Variants in EBF4 observed in about 807,000 individuals in gnomAD.
EBF4 encodes the protein EBF transcription factor 4.
EBF4 carries 34 observed loss-of-function variants against 67.1 expected under a neutral mutation model. The observed-to-expected ratio is 0.51, with a 90% CI of 0.39 to 0.67. EBF4 has a LOEUF of 0.67. Ranked by LOEUF, EBF4 falls within the 30% of genes least tolerant of loss-of-function variation. The pLI, the probability that EBF4 is intolerant of heterozygous loss-of-function variation, is 0.00. For synonymous variants in EBF4, 387 were observed against 377.7 expected (o/e 1.02, Z -0.29); for missense variants, 837 against 873.3 (o/e 0.96, Z 0.52).
chr20:2,744,256 T>C (rs2088013623), intron 6 of EBF4, among the ~76,000 whole-genome samples: 1 of 151,500 alleles, frequency 6.6e-6, no homozygotes, highest in South Asian at 2.1e-4. Flanking sequence ...AATTTTTATA[T>C]CAGGTCATCA....
chr20:2,702,557 A>G (rs2087391742), intron 1 of EBF4, among the ~76,000 whole-genome samples: 1 of 152,234 alleles, frequency 6.6e-6, no homozygotes, highest in Admixed American at 6.5e-5. Context: ...CAAGCTTTCA[A>G]GAGGAGGAAA....
chr20:2,756,831 G>A lies in EBF4; in HGVS notation c.1738+1007G>A, dbSNP rs1047380716. ...AGGAAAGAATCAGTGTTGAAATTAC[G>A]TAAGTGGCTACTGAAGAATTTGTCA... On this transcript the variant is annotated intron_variant, in intron 15 of 16. Transcript: ENST00000609451. This position sits in a 1 kb window ranked among gnomAD's most constrained non-coding sequence, Gnocchi z 4.5. Among the ~76,000 whole-genome samples the A allele has an allele frequency of 3.9e-5, 6 of 152,206 alleles. No homozygotes were observed. The highest frequency in any genetic ancestry group is 5.9e-5 in the Non-Finnish European group (4 of 68,042).
chr20:2,735,152 C>T (rs988464027), intron 6 of EBF4, among the ~76,000 whole-genome samples: 6 of 152,158 alleles, frequency 3.9e-5, no homozygotes, highest in Non-Finnish European at 7.3e-5. Flanking sequence ...AGGGTCTTTC[C>T]CACTAAGTAA....
chr20:2,719,918 T>G (rs1185210559), intron 6 of EBF4, among the ~76,000 whole-genome samples: 1 of 152,224 alleles, frequency 6.6e-6, no homozygotes, highest in Non-Finnish European at 1.5e-5. Context: ...TAATTGATAG[T>G]GTTGTTCAAG....
intron 6 of EBF4, among the ~76,000 whole-genome samples, chr20:2,719,301 G>C (rs889327667): frequency 1.3e-5 from 2 of 152,078 alleles, no homozygotes; most frequent in African/African-American, 4.8e-5. Context: ...TTGAGACGGA[G>C]TCTTGCTCTA....
chr20:2,719,039 A>G (rs184411008), intron 6 of EBF4, among the ~76,000 whole-genome samples: 1 of 152,174 alleles, frequency 6.6e-6, no homozygotes, highest in Admixed American at 6.5e-5. Context: ...ATGTTACTTA[A>G]TTTCCAAAAA....
At chr20:2,743,038 C>T (rs1160245486) in intron 6 of EBF4, among the ~76,000 whole-genome samples, 2 of 152,146 alleles carry the variant, frequency 1.3e-5, no homozygotes, top group African/African-American at 4.8e-5. Flanking sequence ...CTCCCCTGCC[C>T]ACCAGGTCTC....
chr20:2,703,256 TA>T (rs58171984), intron 1 of EBF4, among the ~76,000 whole-genome samples: 3,251 of 113,970 alleles, frequency 0.029, 85 homozygotes, highest in African/African-American at 0.072. Context: ...GACCCTGTCT[TA>T]AAAAAAAAAA....
upstream of EBF4, among the ~76,000 whole-genome samples, chr20:2,693,380 G>A (rs1027664852): frequency 1.5e-4 from 22 of 150,386 alleles, no homozygotes; most frequent in Admixed American, 6.6e-5. The surrounding 1 kb of genome is among the most constrained non-coding windows in gnomAD (Gnocchi z 4.6). Flanking sequence ...CGCCCCGCTC[G>A]CAGTCCGCCC....
chr20:2,704,189 T>C (rs189978171), intron 1 of EBF4, among the ~76,000 whole-genome samples: 2 of 151,992 alleles, frequency 1.3e-5, no homozygotes, highest in South Asian at 2.1e-4. Context: ...AGGGCATGAA[T>C]CCCAGGGGGT....
Position 2,758,990 on chromosome 20 carries a change from T to TC in EBF4, c.*5+7dup. The TC allele has an allele frequency of 6.4e-7, 1 of 1,551,582 alleles. No individual in the cohort carries two copies. Among genetic ancestry groups the TC allele is most frequent in the Non-Finnish European group, 8.7e-7 (1 of 1,146,912 alleles). ...CTGGCATACTCCTAATTACGGTAGG[T>TC]CTCTGGCTGGGTCTGGCCTCCCCCG... On this transcript the variant is annotated splice_region_variant and intron_variant, in intron 16 of 16. Transcript: ENST00000609451.
chr20:2,733,038 T>C (rs562059647), intron 6 of EBF4, among the ~76,000 whole-genome samples: 20 of 152,376 alleles, frequency 1.3e-4, no homozygotes, highest in Non-Finnish European at 2.4e-4. Context: ...CATTTCAGAC[T>C]GAAGGACTCC....
chr20:2,723,728 C>T (rs1203899102), intron 6 of EBF4, among the ~76,000 whole-genome samples: 1 of 152,080 alleles, frequency 6.6e-6, no homozygotes, highest in Non-Finnish European at 1.5e-5. Context: ...AGTTCATTTA[C>T]TTTATTGAGA....
chr20:2,693,871 C>T lies in EBF4; in HGVS notation c.137+89C>T, dbSNP rs1418030941. ...TTGCTGGAGCTGCTGGAGCCAGGGG[C>T]GGAAGGAGCCCTAACTCTGGACGGT... On this transcript the variant is annotated intron_variant, in intron 1 of 16. Transcript: ENST00000609451. The surrounding 1 kb of genome is among the most constrained non-coding windows in gnomAD (Gnocchi z 4.6). 103 of 1,248,468 alleles carry T rather than the reference C, an allele frequency of 8.3e-5. No homozygotes were observed. The highest frequency in any genetic ancestry group is 4.0e-6 in the Non-Finnish European group (4 of 994,660). 77.3% of individuals were successfully genotyped at this position (1,248,468 alleles called of 1,614,324 possible). A position where few individuals can be genotyped will look rare whatever the true frequency, so the allele number is the denominator to read the frequency against.
intron 6 of EBF4, among the ~76,000 whole-genome samples, chr20:2,743,775 C>A (rs2088002042): frequency 6.6e-6 from 1 of 152,194 alleles, no homozygotes; most frequent in Admixed American, 6.5e-5. Flanking sequence ...TGACAAATAT[C>A]ATTTGTTTCC....
intron 6 of EBF4, among the ~76,000 whole-genome samples, chr20:2,743,176 A>G (rs534810828): frequency 1.3e-5 from 2 of 152,260 alleles, no homozygotes; most frequent in Admixed American, 6.5e-5. Context: ...GGTGGAATAA[A>G]GTGTCACCCC....
Position 2,758,905 on chromosome 20 carries a change from G to A in EBF4, c.1739-4G>A. On this transcript the variant is annotated splice_polypyrimidine_tract_variant and splice_region_variant and intron_variant, in intron 15 of 16. Transcript: ENST00000609451. ...TATGGCTCCTTTTTCCTTGACTACTGCAGACCAGTCTTTTGAGGATTCTGA... is the reference window on the plus strand; with the variant it reads ...TATGGCTCCTTTTTCCTTGACTACTACAGACCAGTCTTTTGAGGATTCTGA... 3 of 1,551,732 alleles carry A rather than the reference G, an allele frequency of 1.9e-6. No homozygotes were observed. The highest frequency in any genetic ancestry group is 2.6e-6 in the Non-Finnish European group (3 of 1,146,984).
chr20:2,753,648 G>T (rs1438692284), intron 14 of EBF4, among the ~76,000 whole-genome samples: 1 of 152,210 alleles, frequency 6.6e-6, no homozygotes, highest in East Asian at 1.9e-4. Flanking sequence ...GGCTTTGCCC[G>T]TGGTGCCCTC....
At chr20:2,723,175 T>C (rs2087704319) in intron 6 of EBF4, among the ~76,000 whole-genome samples, 1 of 152,212 alleles carries the variant, frequency 6.6e-6, no homozygotes, top group East Asian at 1.9e-4. Context: ...TCAGTATTCA[T>C]TGATACTTTA....
Sources: gnomAD v4.1 joint callset for allele counts (sites outside exome capture counted in the v4.1 genomes callset) on GRCh38, gnomAD v4.1.1 for gene constraint, Gnocchi (gnomAD v3.1) non-coding constraint, MANE v1.5 for transcripts, NCBI Gene and HGNC (gene_info 2026-07-23, HGNC 2026-07-21) for gene names.